Variants in PTK7 observed in about 807,000 individuals in gnomAD.
The protein encoded by PTK7 is inactive tyrosine-protein kinase 7.
PTK7 carries 39 observed loss-of-function variants against 116.6 expected under a neutral mutation model. That is an observed-to-expected ratio of 0.33 (90% CI 0.26 to 0.44). The LOEUF (loss-of-function observed/expected upper bound fraction) is 0.44, where lower values mean the gene tolerates loss of function less well. Ranked by LOEUF, PTK7 falls within the 20% of genes least tolerant of loss-of-function variation. The pLI is 1.00. For synonymous variants in PTK7, 546 were observed against 563.6 expected, an observed-to-expected ratio of 0.97 and a Z score of 0.44; for missense variants, 1,169 against 1,425.6, an observed-to-expected ratio of 0.82 and a Z score of 2.90.
chr6:43,152,978 G>A (rs919855291), intron 17 of PTK7, among the ~76,000 whole-genome samples: 2 of 151,636 alleles, frequency 1.3e-5, no homozygotes, highest in Non-Finnish European at 1.5e-5. Context: ...TAGAGATGGG[G>A]TTTCACCACA....
chr6:43,094,088 G>C (rs939454316), intron 1 of PTK7, among the ~76,000 whole-genome samples: 4 of 152,232 alleles, frequency 2.6e-5, no homozygotes, highest in African/African-American at 9.6e-5. Flanking sequence ...AAGTTACAAA[G>C]TTGCAAACGA....
chr6:43,083,003 G>C (rs902873296), intron 1 of PTK7, among the ~76,000 whole-genome samples: 11 of 152,172 alleles, frequency 7.2e-5, no homozygotes, highest in African/African-American at 2.7e-4. Flanking sequence ...TGGAGTGAGG[G>C]GGTTTGTGTG....
intron 17 of PTK7, among the ~76,000 whole-genome samples, chr6:43,148,267 G>T (rs976066839): frequency 2.0e-5 from 3 of 151,830 alleles, no homozygotes; most frequent in African/African-American, 7.3e-5. Flanking sequence ...GGAGGGGAGG[G>T]GGGGAAAGGA....
chr6:43,139,640 C>T lies in PTK7; in HGVS notation c.1618+115C>T, dbSNP rs1770270144. ...CCAGGAAATGTGGAGATTAGACAAG[C>T]AGTGCAGGGCTGATGTATAGTTTAG... On this transcript the variant is annotated intron_variant, in intron 10 of 19. Coordinates refer to ENST00000230419, the MANE Select transcript of PTK7 (RefSeq NM_002821.5). This position sits in a 1 kb window ranked among gnomAD's most constrained non-coding sequence, Gnocchi z 4.6. 7 of 1,467,754 alleles carry T rather than the reference C, an allele frequency of 4.8e-6. No homozygotes were observed. The highest frequency in any genetic ancestry group is 2.0e-5 in the Admixed American group (1 of 49,544). 90.9% of individuals were successfully genotyped at this position (1,467,754 alleles called of 1,614,324 possible).
At position 43,141,847 on chromosome 6, in the gene PTK7, G is replaced by T; in HGVS notation, c.1768+30G>T. 1 of 1,609,606 alleles carries T rather than the reference G, an allele frequency of 6.2e-7. No homozygotes were observed. The highest frequency in any genetic ancestry group is 8.5e-7 in the Non-Finnish European group (1 of 1,177,610). On this transcript the variant is annotated intron_variant, in intron 11 of 19. Transcript: ENST00000230419. The surrounding 1 kb of genome is among the most constrained non-coding windows in gnomAD (Gnocchi z 4.9). ...GACCGTGGCAGGGCCCTGGGGCTGG[G>T]AGGGCCCTCTGGGGTAGCACCGTGT...
At chr6:43,121,176 T>C (rs1421499745) in intron 1 of PTK7, among the ~76,000 whole-genome samples, 1 of 151,868 alleles carries the variant, frequency 6.6e-6, no homozygotes, top group East Asian at 1.9e-4. Flanking sequence ...CTCAGCTGGC[T>C]GGCATTCTTG....
At position 43,129,496 on chromosome 6, in the gene PTK7, A is replaced by C; in HGVS notation, c.368-231A>C. The C allele has an allele frequency of 1.4e-6, 1 of 734,260 alleles. No individual in the cohort carries two copies. The highest frequency in any genetic ancestry group is 2.2e-6 in the Non-Finnish European group (1 of 459,480). 45.5% of individuals were successfully genotyped at this position (734,260 alleles called of 1,614,324 possible). Reference sequence around the variant, plus strand: ...CCATTTATCTGCTGCATGCTTGTGCAAATGGAAAGGGCGGCCGAGCCCTTG... The same window carrying C: ...CCATTTATCTGCTGCATGCTTGTGCCAATGGAAAGGGCGGCCGAGCCCTTG... On this transcript the variant is annotated intron_variant, in intron 2 of 19. Transcript: ENST00000230419. The surrounding 1 kb of genome is among the most constrained non-coding windows in gnomAD (Gnocchi z 4.5).
chr6:43,156,229 A>C (rs1381059432), intron 17 of PTK7, among the ~76,000 whole-genome samples: 2 of 25,286 alleles, frequency 7.9e-5, no homozygotes, highest in Non-Finnish European at 1.4e-4. Context: ...ACCCTGTCTC[A>C]AAAAAAAAAA....
chr6:43,158,303 G>GA (rs1171676778), intron 17 of PTK7, among the ~76,000 whole-genome samples: 110 of 131,752 alleles, frequency 8.3e-4, no homozygotes, highest in Admixed American at 1.2e-3. Context: ...CGTCTCAAAA[G>GA]AAAAAAAAAA....
At chr6:43,081,572 T>C (rs1017679643) in intron 1 of PTK7, among the ~76,000 whole-genome samples, 2 of 152,060 alleles carry the variant, frequency 1.3e-5, no homozygotes, top group African/African-American at 4.8e-5. Flanking sequence ...ACCCAGCTAA[T>C]TTTTGTATTT....
chr6:43,140,599 CAT>C (rs1770340965), intron 10 of PTK7, among the ~76,000 whole-genome samples: 1 of 151,604 alleles, frequency 6.6e-6, no homozygotes, highest in Non-Finnish European at 1.5e-5. Flanking sequence ...ATTAAATTTA[CAT>C]GATTGGCTGA....
In PTK7 at chr6:43,156,228, CAAAAAAA is replaced by C. The variant is rs5875828; in HGVS notation, c.2722-2569_2722-2563del. ...TGGGTGACAGAGCAATACCCTGTCT[CAAAAAAA>C]AAAAAAAAAAAAAAAAAAAGAATTA... On this transcript the variant is annotated intron_variant, in intron 17 of 19. Coordinates refer to ENST00000230419, the MANE Select transcript of PTK7 (RefSeq NM_002821.5). Among the ~76,000 whole-genome samples, 94 of 47,302 alleles carry C rather than the reference CAAAAAAA, an allele frequency of 2.0e-3. No homozygotes were observed. The East Asian group carries it at 0.036, about 18-fold the overall frequency. The allele number at this position is 47,302 out of a possible 152,430, so 31.0% of individuals were successfully genotyped here.
chr6:43,123,962 G>A (rs1007603233), intron 1 of PTK7, among the ~76,000 whole-genome samples: 4 of 152,180 alleles, frequency 2.6e-5, no homozygotes, highest in African/African-American at 9.7e-5. Context: ...CTAAGGTAGC[G>A]TCACTAGGGA....
intron 1 of PTK7, among the ~76,000 whole-genome samples, chr6:43,112,586 G>A (rs1355052561): frequency 6.6e-6 from 1 of 151,946 alleles, no homozygotes; most frequent in Non-Finnish European, 1.5e-5. Context: ...GCTAATTTTT[G>A]TATTTTTAGT....
intron 17 of PTK7, among the ~76,000 whole-genome samples, chr6:43,156,885 G>A (rs1391523429): frequency 2.6e-5 from 4 of 151,526 alleles, no homozygotes; most frequent in African/African-American, 9.7e-5. Context: ...TGACAAGAGC[G>A]AGACTTGGTC....
At chr6:43,128,829 C>T (rs529975857) in intron 1 of PTK7, 148 bp from the exon 2 acceptor site, 1 of 712,496 alleles carries the variant, frequency 1.4e-6, no homozygotes, top group Non-Finnish European at 2.2e-6. Context: ...GGGACTCTTG[C>T]AATTGTGGCA....
intron 1 of PTK7, among the ~76,000 whole-genome samples, chr6:43,118,645 CTCTCTCTCTCTCTCTATATATA>C (rs1294505617): frequency 8.1e-5 from 7 of 85,892 alleles, no homozygotes; most frequent in Non-Finnish European, 1.3e-4. Flanking sequence ...CTCTCTCTCT[CTCTCTCTCTCTCTCTATATATA>C]TATATATATA....
At chr6:43,142,140 G>A in intron 12 of PTK7, 32 bp from the exon 13 acceptor site, 1 of 1,612,248 alleles carries the variant, frequency 6.2e-7, no homozygotes, top group Non-Finnish European at 8.5e-7. Context: ...CTCCCTGCGA[G>A]CTGGCCAGCA....
intron 19 of PTK7, 62 bp from the exon 20 acceptor site, chr6:43,160,659 C>A: frequency 6.3e-7 from 1 of 1,588,740 alleles, no homozygotes; most frequent in Non-Finnish European, 8.6e-7. Flanking sequence ...GCAAGGTCCA[C>A]AAAGTGTTGA....
Sources: gnomAD v4.1 joint callset for allele counts (sites outside exome capture counted in the v4.1 genomes callset) on GRCh38, gnomAD v4.1.1 for gene constraint, Gnocchi (gnomAD v3.1) non-coding constraint, MANE v1.5 for transcripts, NCBI Gene and HGNC (gene_info 2026-07-23, HGNC 2026-07-21) for gene names.